CDH12: variants seen among roughly 807,000 people sequenced by gnomAD.
CDH12 encodes cadherin 12.
Under a neutral mutation model 74.1 loss-of-function variants are expected in CDH12, and 41 were observed. The observed-to-expected ratio is 0.55, with a 90% CI of 0.43 to 0.72. The LOEUF is 0.72. Among genes scored for constraint, CDH12 ranks in the 30% least tolerant of loss-of-function variants. The pLI, the probability that CDH12 is intolerant of heterozygous loss-of-function variation, is 0.00. For missense variants in CDH12, 945 were observed against 977.2 expected (o/e 0.97, Z 0.44); for synonymous variants, 399 against 355.0 (o/e 1.12, Z -1.39).
At chr5:21,775,482 C>T (rs143957407) in intron 11 of CDH12, among the ~76,000 whole-genome samples, 150 of 152,234 alleles carry the variant, frequency 9.9e-4, no homozygotes, top group African/African-American at 3.6e-3. Context: ...TCTTTTAAGG[C>T]TCTGTTGAAT....
intron 6 of CDH12, among the ~76,000 whole-genome samples, chr5:21,877,616 C>G (rs1752008568): frequency 6.6e-6 from 1 of 152,210 alleles, no homozygotes; most frequent in Non-Finnish European, 1.5e-5. Flanking sequence ...TCAATAGTTA[C>G]AATATCGATA....
At chr5:22,153,860 ATATATATATATG>A (rs1747789457) in intron 4 of CDH12, among the ~76,000 whole-genome samples, 1 of 86,902 alleles carries the variant, frequency 1.2e-5, no homozygotes, top group African/African-American at 4.2e-5. Context: ...GTGTGTGTGT[ATATATATATATG>A]TATATATATA....
chr5:21,795,675 G>A (rs1316213023), intron 10 of CDH12, among the ~76,000 whole-genome samples: 1 of 151,942 alleles, frequency 6.6e-6, no homozygotes, highest in African/African-American at 2.4e-5. Context: ...AGATGAGAAA[G>A]AGAGCATGGG....
At chr5:22,796,309 A>G (rs919663036) in intron 1 of CDH12, among the ~76,000 whole-genome samples, 3 of 152,064 alleles carry the variant, frequency 2.0e-5, no homozygotes, top group Non-Finnish European at 4.4e-5. Context: ...ATTCCCACCA[A>G]CAGTGCATGA....
At chr5:22,344,156 T>C (rs899083662) in intron 3 of CDH12, among the ~76,000 whole-genome samples, 22 of 152,216 alleles carry the variant, frequency 1.4e-4, no homozygotes, top group Admixed American at 1.0e-3. Context: ...TGCCCTGTCA[T>C]AGGCGAAAAT....
intron 1 of CDH12, among the ~76,000 whole-genome samples, chr5:22,715,644 T>C (rs567640716): frequency 1.3e-5 from 2 of 151,016 alleles, no homozygotes; most frequent in Non-Finnish European, 3.0e-5. Flanking sequence ...CTATTAAAAA[T>C]ACAAAAATTA....
intron 3 of CDH12, among the ~76,000 whole-genome samples, chr5:22,387,153 T>C (rs2126405150): frequency 6.6e-6 from 1 of 152,172 alleles, no homozygotes; most frequent in South Asian, 2.1e-4. Flanking sequence ...TGCTTTTTCT[T>C]GCCAAAATGT....
chr5:22,666,968 C>T (rs372180241), intron 1 of CDH12, among the ~76,000 whole-genome samples: 6 of 152,162 alleles, frequency 3.9e-5, no homozygotes, highest in Admixed American at 3.3e-4. Flanking sequence ...TGAACTTCTA[C>T]CCCAATTTGC....
At chr5:22,051,513 A>C (rs183759072) in intron 5 of CDH12, among the ~76,000 whole-genome samples, 1 of 152,258 alleles carries the variant, frequency 6.6e-6, no homozygotes, top group East Asian at 1.9e-4. Context: ...GGCTAATTTC[A>C]AAGAGGCAAA....
At chr5:22,363,224 T>C (rs1740895322) in intron 3 of CDH12, among the ~76,000 whole-genome samples, 1 of 152,280 alleles carries the variant, frequency 6.6e-6, no homozygotes, top group Non-Finnish European at 1.5e-5. Context: ...ACTGAATCTA[T>C]AAATAAATAA....
intron 4 of CDH12, among the ~76,000 whole-genome samples, chr5:22,108,416 A>G (rs1162309287): frequency 6.6e-6 from 1 of 152,258 alleles, no homozygotes; most frequent in Non-Finnish European, 1.5e-5. Flanking sequence ...ATGCATAATC[A>G]AAAAGATAAT....
chr5:22,668,374 T>A (rs1473230027), intron 1 of CDH12, among the ~76,000 whole-genome samples: 5 of 152,238 alleles, frequency 3.3e-5, no homozygotes, highest in Admixed American at 3.3e-4. Flanking sequence ...CTTTCTCTTT[T>A]TTTAAATCTC....
intron 5 of CDH12, among the ~76,000 whole-genome samples, chr5:22,043,479 A>G (rs1428723011): frequency 6.6e-6 from 1 of 152,208 alleles, no homozygotes; most frequent in African/African-American, 2.4e-5. Context: ...ACAAACCCAC[A>G]GCTAACATCA....
Position 22,052,406 on chromosome 5 carries a change from C to T in CDH12, c.231+26040G>A, listed in dbSNP as rs528043105. On this transcript the variant is annotated intron_variant, in intron 5 of 14. Transcript: ENST00000382254. ...TGTTTGTGAATATTTTCTCGGGAAT[C>T]GTTCACCTATGACAGCCCACCCTGC... is the stretch of plus-strand genomic sequence containing the variant. Among the ~76,000 whole-genome samples the T allele has an allele frequency of 9.2e-5, 14 of 152,100 alleles. No individual in the cohort carries two copies. The South Asian group carries it at 2.5e-3, about 27-fold the overall frequency.
chr5:22,363,215 C>G (rs1036681505), intron 3 of CDH12, among the ~76,000 whole-genome samples: 1 of 152,108 alleles, frequency 6.6e-6, no homozygotes, highest in African/African-American at 2.4e-5. Context: ...TGTAACACAA[C>G]TGAATCTATA....
intron 4 of CDH12, among the ~76,000 whole-genome samples, chr5:22,128,234 A>C (rs1274318797): frequency 9.9e-5 from 15 of 152,090 alleles, no homozygotes; most frequent in Non-Finnish European, 2.1e-4. Context: ...TTAGAAGAAG[A>C]AAAGGGCAAG....
intron 4 of CDH12, among the ~76,000 whole-genome samples, chr5:22,173,244 ATTATATAAT>A (rs986640428): frequency 6.1e-5 from 9 of 147,380 alleles, no homozygotes; most frequent in African/African-American, 2.5e-5. Context: ...TTGTTATATA[ATTATATAAT>A]TTATATAATT....
At chr5:21,936,113 G>A (rs1755062441) in intron 6 of CDH12, among the ~76,000 whole-genome samples, 1 of 152,164 alleles carries the variant, frequency 6.6e-6, no homozygotes, top group Non-Finnish European at 1.5e-5. Flanking sequence ...ATACCCAGGA[G>A]TGGGATTGCT....
intron 1 of CDH12, among the ~76,000 whole-genome samples, chr5:22,668,660 T>TC (rs1740745294): frequency 6.6e-6 from 1 of 152,164 alleles, no homozygotes; most frequent in Admixed American, 6.5e-5. Context: ...AACCCATTAA[T>TC]CCAGTAACCC....
Sources: allele counts gnomAD v4.1 joint callset (sites outside exome capture counted in the v4.1 genomes callset), GRCh38; gene constraint gnomAD v4.1.1; transcripts MANE v1.5; gene names NCBI Gene and HGNC (gene_info 2026-07-23, HGNC 2026-07-21).